PPARA: variants seen among roughly 807,000 people sequenced by gnomAD.
The protein encoded by PPARA is peroxisome proliferator activated receptor alpha.
In PPARA, 22 loss-of-function variants were observed where a neutral mutation model predicts 42.2. The observed-to-expected ratio is 0.52, with a 90% confidence interval of 0.37 to 0.74. The LOEUF is 0.74. Ranked by LOEUF, PPARA falls within the 30% of genes least tolerant of loss-of-function variation. The probability of loss-of-function intolerance (pLI) is 0.00; values close to 1 mark genes in which losing one functional copy is unlikely to be tolerated. For synonymous variants in PPARA, 242 were observed against 239.3 expected, an observed-to-expected ratio of 1.01 and a Z score of -0.10; for missense variants, 465 against 608.2, an observed-to-expected ratio of 0.76 and a Z score of 2.48.
At chr22:46,174,814 A>G (rs182308793) in intron 2 of PPARA, among the ~76,000 whole-genome samples, 1 of 152,322 alleles carries the variant, frequency 6.6e-6, no homozygotes, top group Admixed American at 6.5e-5. Context: ...AAGACCCTGT[A>G]TCAAAAAAAC....
At position 46,224,897 on chromosome 22, in the gene PPARA, T is replaced by C. The variant is rs556236185; in HGVS notation, c.711+4883T>C. Among the ~76,000 whole-genome samples the C allele has an allele frequency of 6.7e-6, 1 of 150,214 alleles. No individual in the cohort carries two copies. The highest frequency in any genetic ancestry group is 1.5e-5 in the Non-Finnish European group (1 of 67,636). ...TTTGCAGTGGCCAATGCCTTTCTTC[T>C]GTCAAGATCAGCTCGTGGCCTTCAG... is the stretch of plus-strand genomic sequence containing the variant. On this transcript the variant is annotated intron_variant, in intron 7 of 8. Transcript: ENST00000407236. The surrounding 1 kb of genome is among the most constrained non-coding windows in gnomAD (Gnocchi z 5.7).
Position 46,235,217 on chromosome 22 carries a change from A to G in PPARA, c.1244A>G (p.Asn415Ser), listed in dbSNP as rs1464483778. The G allele has an allele frequency of 3.7e-6, 6 of 1,613,972 alleles. No homozygotes were observed. The highest frequency in any genetic ancestry group is 5.1e-6 in the Non-Finnish European group (6 of 1,180,014). Residue 415 changes from asparagine to serine, a missense_variant, in exon 9 of 9, where the codon AAC (asparagine) becomes AGC (serine). Physicochemically the swap from Asn to Ser is conservative, Grantham distance 46. Coordinates refer to ENST00000407236, the MANE Select transcript of PPARA (RefSeq NM_005036.6). This position sits in a 1 kb window ranked among gnomAD's most constrained non-coding sequence, Gnocchi z 7.0. ...GTGCTCAGACTCCACCTGCAGAGCA[A>G]CCACCCGGACGATATCTTTCTCTTC... is the stretch of plus-strand genomic sequence containing the variant. ...VHVLRLHLQS[N>S]HPDDIFLFPK... is the part of the protein sequence containing the mutation.
At chr22:46,197,973 T>C (rs985281907) in intron 3 of PPARA, among the ~76,000 whole-genome samples, 1 of 151,612 alleles carries the variant, frequency 6.6e-6, no homozygotes, top group African/African-American at 2.4e-5. Flanking sequence ...GGCTCACTCC[T>C]GTAATCGCAG....
At chr22:46,213,567 C>G (rs1234484552) in intron 4 of PPARA, among the ~76,000 whole-genome samples, 1 of 151,254 alleles carries the variant, frequency 6.6e-6, no homozygotes, top group Non-Finnish European at 1.5e-5. Flanking sequence ...ACCACCATGG[C>G]AAGCTAACTT....
intron 3 of PPARA, among the ~76,000 whole-genome samples, chr22:46,185,962 T>TACACAC (rs1471738633): frequency 2.7e-5 from 1 of 37,130 alleles, no homozygotes; most frequent in African/African-American, 8.9e-5. Flanking sequence ...TATATATATA[T>TACACAC]ATACACACAC....
intron 4 of PPARA, among the ~76,000 whole-genome samples, chr22:46,213,539 C>G (rs1934142230): frequency 6.6e-6 from 1 of 151,736 alleles, no homozygotes; most frequent in Non-Finnish European, 1.5e-5. Context: ...TCCCAAGTAG[C>G]TGGGACTACA....
intron 2 of PPARA, chr22:46,155,363 GGC>G (rs1925143690): frequency 6.6e-6 from 1 of 152,164 alleles, no homozygotes; most frequent in Non-Finnish European, 1.5e-5. Context: ...TGCCCAGACT[GGC>G]GTGCAGTGGC....
chr22:46,215,789 G>C (rs1177457605), intron 5 of PPARA, among the ~76,000 whole-genome samples: 2 of 152,100 alleles, frequency 1.3e-5, no homozygotes, highest in Admixed American at 1.3e-4. Flanking sequence ...ACTGACCTCA[G>C]TGATAGATTA....
Position 46,173,129 on chromosome 22 carries a change from C to T in PPARA, c.-126-3624C>T, listed in dbSNP as rs920798866. Among the ~76,000 whole-genome samples the T allele has an allele frequency of 5.3e-5, 8 of 152,132 alleles. No homozygotes were observed. Among genetic ancestry groups the T allele is most frequent in the African/African-American group, 9.7e-5 (4 of 41,424 alleles). ...AGAAGGTACTTGGTTTATTGTTAAC[C>T]GATGTTTGCTAAATGTTTGAATTAT... On this transcript the variant is annotated intron_variant, in intron 2 of 8. Transcript: ENST00000407236. This position sits in a 1 kb window ranked among gnomAD's most constrained non-coding sequence, Gnocchi z 4.3.
intron 3 of PPARA, among the ~76,000 whole-genome samples, chr22:46,177,485 G>A (rs949441675): frequency 6.6e-6 from 1 of 150,514 alleles, no homozygotes; most frequent in East Asian, 1.9e-4. Context: ...AAAAAAAATC[G>A]ATAGTATCAT....
chr22:46,216,996 G>A lies in PPARA; in HGVS notation c.370-1267G>A, dbSNP rs1215053996. Reference sequence around the variant, plus strand: ...ACTTGGAAAATGCCACCGCCTTTCTGGCACAATGTACCATCTTGGAACACC... The same window carrying A: ...ACTTGGAAAATGCCACCGCCTTTCTAGCACAATGTACCATCTTGGAACACC... On this transcript the variant is annotated intron_variant, in intron 5 of 8. Transcript: ENST00000407236. The surrounding 1 kb of genome is among the most constrained non-coding windows in gnomAD (Gnocchi z 4.5). Among the ~76,000 whole-genome samples the A allele has an allele frequency of 3.3e-5, 5 of 152,164 alleles. No homozygotes were observed. In the East Asian group the frequency reaches 9.6e-4, roughly 29 times the overall value.
rs1015873824 is a variant in PPARA at position 46,227,452 on chromosome 22, A to C, written c.712-4340A>C. On this transcript the variant is annotated intron_variant, in intron 7 of 8. Coordinates refer to ENST00000407236, the MANE Select transcript of PPARA (RefSeq NM_005036.6). This position sits in a 1 kb window ranked among gnomAD's most constrained non-coding sequence, Gnocchi z 4.3. Reference sequence around the variant, plus strand: ...TTTTTAGTAGACACGGGCTTTTGCCATGTTGGCCGGGCTGGTCTCGAAATC... The same window carrying C: ...TTTTTAGTAGACACGGGCTTTTGCCCTGTTGGCCGGGCTGGTCTCGAAATC... Among the ~76,000 whole-genome samples, 2 of 152,216 alleles carry C rather than the reference A, an allele frequency of 1.3e-5. No individual in the cohort carries two copies. The highest frequency in any genetic ancestry group is 2.9e-5 in the Non-Finnish European group (2 of 68,052).
At position 46,195,005 on chromosome 22, in the gene PPARA, C is replaced by T. The variant is rs972002772; in HGVS notation, c.-42-3337C>T. ...GCAACCTCCACCTCCTGGGTTCAAG[C>T]GATTCTCTTGCCTCAGTCTCCTGAG... is the stretch of plus-strand genomic sequence containing the variant. On this transcript the variant is annotated intron_variant, in intron 3 of 8. Coordinates refer to ENST00000407236, the MANE Select transcript of PPARA (RefSeq NM_005036.6). The surrounding 1 kb of genome is among the most constrained non-coding windows in gnomAD (Gnocchi z 4.6). 1.3e-5 allele frequency among the ~76,000 whole-genome samples: 2 copies of T among 149,924 alleles called. No homozygotes were observed. Among genetic ancestry groups the T allele is most frequent in the Non-Finnish European group, 3.0e-5 (2 of 67,764 alleles).
At chr22:46,175,690 G>C (rs1928936995) in intron 2 of PPARA, among the ~76,000 whole-genome samples, 1 of 151,304 alleles carries the variant, frequency 6.6e-6, no homozygotes, top group Non-Finnish European at 1.5e-5. Flanking sequence ...CTCCAGACTG[G>C]GTGACAAAGC....
intron 4 of PPARA, among the ~76,000 whole-genome samples, chr22:46,208,857 T>C (rs1266768693): frequency 6.6e-6 from 1 of 152,206 alleles, no homozygotes; most frequent in Non-Finnish European, 1.5e-5. Context: ...ACCCATGTTG[T>C]TGCAAATGGA....
chr22:46,152,814 G>A (rs4253618), intron 2 of PPARA, among the ~76,000 whole-genome samples: 310 of 152,306 alleles, frequency 2.0e-3, no homozygotes, highest in African/African-American at 7.1e-3. Flanking sequence ...AGTTGGGTGC[G>A]GTGGCTCACT....
At chr22:46,205,546 A>ATTTTTTTTTTTTT (rs1569226202) in intron 4 of PPARA, among the ~76,000 whole-genome samples, 1 of 32,046 alleles carries the variant, frequency 3.1e-5, no homozygotes, top group Admixed American at 3.9e-4. Context: ...ATATATATAT[A>ATTTTTTTTTTTTT]TATATATATT....
chr22:46,151,381 C>G (rs958704396), intron 1 of PPARA, among the ~76,000 whole-genome samples: 1 of 152,212 alleles, frequency 6.6e-6, no homozygotes, highest in African/African-American at 2.4e-5. Context: ...GCGCCCAGGT[C>G]TTTCCGGAGT....
intron 2 of PPARA, among the ~76,000 whole-genome samples, chr22:46,153,883 A>G (rs2147089341): frequency 6.6e-6 from 1 of 152,202 alleles, no homozygotes; most frequent in South Asian, 2.1e-4. Flanking sequence ...TGTATATGAG[A>G]GAGACAGAAC....
Sources: gnomAD v4.1 joint callset for allele counts (sites outside exome capture counted in the v4.1 genomes callset) on GRCh38, gnomAD v4.1.1 for gene constraint, Gnocchi (gnomAD v3.1) non-coding constraint, MANE v1.5 for transcripts, NCBI Gene and HGNC (gene_info 2026-07-23, HGNC 2026-07-21) for gene names.